Variants in MIDEAS observed in about 807,000 individuals in gnomAD.
MIDEAS encodes the protein mitotic deacetylase associated SANT domain protein, also known as mitotic deacetylase-associated SANT domain protein.
MIDEAS carries 26 observed loss-of-function variants against 102.7 expected under a neutral mutation model. The ratio of observed to expected loss-of-function variants is 0.25; its 90% confidence interval spans 0.19 to 0.35. The LOEUF is 0.35. Ranked by LOEUF, MIDEAS falls within the 10% of genes least tolerant of loss-of-function variation. The pLI is 1.00. For synonymous variants in MIDEAS, 585 were observed against 591.0 expected, an observed-to-expected ratio of 0.99 and a Z score of 0.15; for missense variants, 1,231 against 1,435.6, an observed-to-expected ratio of 0.86 and a Z score of 2.30.
chr14:73,782,455 G>A (rs2053765801), intron 1 of MIDEAS, among the ~76,000 whole-genome samples: 1 of 152,038 alleles, frequency 6.6e-6, no homozygotes, highest in South Asian at 2.1e-4. Flanking sequence ...AGCCTCCCAA[G>A]TAACTGGGAC....
rs2053265675 is a variant in MIDEAS at position 73,740,153 on chromosome 14, G to A, written c.-145C>T. ...GAGGAAGACGCTGGACAGTGAGGTCGGACACTGGGAGAAAGAACTGCTGGC... is the reference window on the plus strand; with the variant it reads ...GAGGAAGACGCTGGACAGTGAGGTCAGACACTGGGAGAAAGAACTGCTGGC... On this transcript the variant is annotated 5_prime_UTR_variant, in exon 2 of 13. Transcript: ENST00000423556. The A allele has an allele frequency of 8.2e-6, 8 of 980,258 alleles. No homozygotes were observed. The highest frequency in any genetic ancestry group is 7.6e-5 in the South Asian group (2 of 26,424). The allele number at this position is 980,258 out of a possible 1,614,324, so 60.7% of individuals were successfully genotyped here.
intron 1 of MIDEAS, among the ~76,000 whole-genome samples, chr14:73,781,351 T>C (rs1223814841): frequency 2.0e-5 from 3 of 152,268 alleles, no homozygotes; most frequent in Non-Finnish European, 4.4e-5. Context: ...TGAAAAAATG[T>C]TGATTTATTA....
rs1174540559 is a variant in MIDEAS at position 73,720,090 on chromosome 14, A to G, written c.2938-589T>C. 2.0e-5 allele frequency among the ~76,000 whole-genome samples: 3 copies of G among 151,998 alleles called. No individual in the cohort carries two copies. In the East Asian group the frequency reaches 5.9e-4, roughly 30 times the overall value. On this transcript the variant is annotated intron_variant, in intron 11 of 12. Transcript: ENST00000423556. ...CCATCAGAAGTGGCACCCTCATGGG[A>G]AAGTTCACAAAAGTCAACAGAACTC...
intron 1 of MIDEAS, among the ~76,000 whole-genome samples, chr14:73,743,818 C>T (rs373069573): frequency 7.9e-5 from 12 of 152,174 alleles, no homozygotes; most frequent in African/African-American, 2.9e-4. Context: ...ACAGTCACCA[C>T]GGGGCCCCAG....
At chr14:73,732,288 C>T (rs968496529) in intron 3 of MIDEAS, among the ~76,000 whole-genome samples, 4 of 152,282 alleles carry the variant, frequency 2.6e-5, no homozygotes, top group Admixed American at 2.6e-4. Flanking sequence ...GTGCAAAACA[C>T]ATTTCTGAAG....
chr14:73,750,702 G>A (rs572070846), intron 1 of MIDEAS, among the ~76,000 whole-genome samples: 1 of 152,366 alleles, frequency 6.6e-6, no homozygotes, highest in African/African-American at 2.4e-5. Flanking sequence ...ATCAAGGGAT[G>A]TCAATGTTTA....
At chr14:73,748,723 C>G (rs1032712467) in intron 1 of MIDEAS, among the ~76,000 whole-genome samples, 2 of 143,078 alleles carry the variant, frequency 1.4e-5, no homozygotes, top group Admixed American at 1.4e-4. Flanking sequence ...GAGCCAAGAT[C>G]GCGCCACTGC....
intron 3 of MIDEAS, among the ~76,000 whole-genome samples, chr14:73,736,292 A>G: frequency 6.6e-6 from 1 of 152,238 alleles, no homozygotes; most frequent in South Asian, 2.1e-4. Flanking sequence ...GTATAAAACA[A>G]ATGATGACAG....
At chr14:73,789,094 CT>C (rs1206593715), upstream of MIDEAS, 1 of 152,196 alleles carries the variant, frequency 6.6e-6, no homozygotes, top group Non-Finnish European at 1.5e-5. Flanking sequence ...GATGCGCCCC[CT>C]GCCAATGATC....
At chr14:73,779,770 G>C (rs2053732983) in intron 1 of MIDEAS, among the ~76,000 whole-genome samples, 1 of 145,922 alleles carries the variant, frequency 6.9e-6, no homozygotes, top group Non-Finnish European at 1.5e-5. Context: ...GTAGAGACGG[G>C]GTTTCACCTT....
At chr14:73,719,222 T>TCCCCCGCCCCCC in intron 12 of MIDEAS, 83 bp downstream of exon 12, 1 of 1,497,118 alleles carries the variant, frequency 6.7e-7, no homozygotes, top group Non-Finnish European at 8.9e-7. Flanking sequence ...CTGTACCTCT[T>TCCCCCGCCCCCC]CCCCCTCCCC....
At position 73,718,019 on chromosome 14, in the gene MIDEAS, C is replaced by T. The variant is rs1411090476; in HGVS notation, c.*824G>A. On this transcript the variant is annotated 3_prime_UTR_variant, in exon 13 of 13. Transcript: ENST00000423556. ...GCCTCCAGGACCCAAAGGTATTCAG[C>T]CAAAAAGGTGGGAAGCAGGAAGAGC... 1 of 152,352 alleles carries T rather than the reference C, an allele frequency of 6.6e-6. No individual in the cohort carries two copies. Among genetic ancestry groups the T allele is most frequent in the Admixed American group, 6.5e-5 (1 of 15,278 alleles). 9.4% of individuals were successfully genotyped at this position (152,352 alleles called of 1,614,324 possible).
chr14:73,734,669 G>A (rs1012803555), intron 3 of MIDEAS, among the ~76,000 whole-genome samples: 2 of 152,050 alleles, frequency 1.3e-5, no homozygotes, highest in African/African-American at 2.4e-5. Context: ...GGGCTCAAGC[G>A]ATCCTCCTGC....
Position 73,729,915 on chromosome 14 carries a change from T to G in MIDEAS, c.1820A>C (p.Glu607Ala), listed in dbSNP as rs749575748. Reference sequence around the variant, plus strand: ...CGCCTTGGTGGGGATGATGAGGGGCTCGGGCCTGGGCCGCTGCTTTGGTTT... The same window carrying G: ...CGCCTTGGTGGGGATGATGAGGGGCGCGGGCCTGGGCCGCTGCTTTGGTTT... ...VRKPKQRPRP[E>A]PLIIPTKAGT... Residue 607 changes from glutamate (E) to alanine (A), a missense_variant, in exon 4 of 13, where the codon GAG becomes GCG. By Grantham distance (107) the Glu-to-Ala change is moderately radical. Coordinates refer to ENST00000423556, the MANE Select transcript of MIDEAS (RefSeq NM_001367710.1). The G allele has an allele frequency of 6.2e-7, 1 of 1,611,648 alleles. No individual in the cohort carries two copies. Among genetic ancestry groups the G allele is most frequent in the African/African-American group, 1.3e-5 (1 of 74,888 alleles).
intron 1 of MIDEAS, among the ~76,000 whole-genome samples, chr14:73,782,771 G>A (rs1020765087): frequency 6.6e-6 from 1 of 152,180 alleles, no homozygotes; most frequent in African/African-American, 2.4e-5. Flanking sequence ...CAGGCTGACT[G>A]GGACAAAAGG....
chr14:73,739,965 C>T lies in MIDEAS; in HGVS notation c.44G>A (p.Arg15His), dbSNP rs754112095. 12 of 1,512,418 alleles carry T rather than the reference C, an allele frequency of 7.9e-6. No homozygotes were observed. The highest frequency in any genetic ancestry group is 2.3e-5 in the East Asian group (1 of 43,696). 93.7% of individuals were successfully genotyped at this position (1,512,418 alleles called of 1,614,324 possible). Reference protein sequence around the residue: ...AQPKAQNKRKRCLFGGQEPAP... With the variant: ...AQPKAQNKRKHCLFGGQEPAP... Reference sequence around the variant, plus strand: ...TGGTTCCTGGCCCCCGAAGAGGCAACGCTTCCGCTTGTTCTGAGCCTTGGG... The same window carrying T: ...TGGTTCCTGGCCCCCGAAGAGGCAATGCTTCCGCTTGTTCTGAGCCTTGGG... The change falls in exon 2 of 13, where the codon CGT becomes CAT. Residue 15 changes from arginine to histidine, a missense_variant. Physicochemically the swap from Arg to His is conservative, Grantham distance 29. Transcript: ENST00000423556.
chr14:73,772,460 T>C (rs2140169606), intron 1 of MIDEAS, among the ~76,000 whole-genome samples: 1 of 152,324 alleles, frequency 6.6e-6, no homozygotes, highest in South Asian at 2.1e-4. Context: ...TCTAAATTCA[T>C]CAACATTTTC....
At chr14:73,747,311 C>A (rs773385401) in intron 1 of MIDEAS, among the ~76,000 whole-genome samples, 17 of 152,200 alleles carry the variant, frequency 1.1e-4, no homozygotes, top group Non-Finnish European at 2.1e-4. Context: ...GGAGCCGCCA[C>A]TCACTGGTTC....
rs2053206996 is a variant in MIDEAS at position 73,736,880 on chromosome 14, G to C, written c.1749+118C>G. 4.7e-6 allele frequency: 5 copies of C among 1,053,332 alleles called. No individual in the cohort carries two copies. The Admixed American group carries it at 8.2e-5, about 17-fold the overall frequency. The allele number at this position is 1,053,332 out of a possible 1,614,324, so 65.2% of individuals were successfully genotyped here. A position where few individuals can be genotyped will look rare whatever the true frequency, so the allele number is the denominator to read the frequency against. On this transcript the variant is annotated intron_variant, in intron 3 of 12. Coordinates refer to ENST00000423556, the MANE Select transcript of MIDEAS (RefSeq NM_001367710.1). ...AAGTTTGGTTTGGAAAATAAAAATA[G>C]TATCTCCACAGGTTCCCTGATACCT... is the stretch of plus-strand genomic sequence containing the variant.
Sources: allele counts gnomAD v4.1 joint callset (sites outside exome capture counted in the v4.1 genomes callset), GRCh38; gene constraint gnomAD v4.1.1; transcripts MANE v1.5; gene names NCBI Gene and HGNC (gene_info 2026-07-23, HGNC 2026-07-21).